CNTN5: variants seen among roughly 807,000 people sequenced by gnomAD.
The protein encoded by CNTN5 is contactin-5.
CNTN5 carries 77 observed loss-of-function variants against 129.1 expected under a neutral mutation model. That is an observed-to-expected ratio of 0.60 (90% CI 0.50 to 0.72). CNTN5 has a LOEUF of 0.72. Among genes scored for constraint, CNTN5 ranks in the 30% least tolerant of loss-of-function variants. The pLI is 0.00. For missense variants in CNTN5, 1,478 were observed against 1,328.8 expected, an observed-to-expected ratio of 1.11 and a Z score of -1.75; for synonymous variants, 509 against 465.6, an observed-to-expected ratio of 1.09 and a Z score of -1.20.
intron 1 of CNTN5, among the ~76,000 whole-genome samples, chr11:99,094,578 T>C (rs900384992): frequency 2.0e-5 from 3 of 151,916 alleles, no homozygotes; most frequent in African/African-American, 7.2e-5. Context: ...AGCGCTAACA[T>C]GTGGCATACA....
intron 1 of CNTN5, among the ~76,000 whole-genome samples, chr11:99,231,743 T>C (rs554142960): frequency 6.6e-6 from 1 of 152,322 alleles, no homozygotes; most frequent in East Asian, 1.9e-4. Flanking sequence ...TCCTGATTAG[T>C]ATTGCGTAGA....
At chr11:100,156,930 A>G (rs762057827) in intron 13 of CNTN5, among the ~76,000 whole-genome samples, 1 of 151,822 alleles carries the variant, frequency 6.6e-6, no homozygotes, top group Non-Finnish European at 1.5e-5. Context: ...TAGTCTTTTT[A>G]AAAAACCAGC....
At chr11:99,570,076 T>A (rs1949128957) in intron 3 of CNTN5, among the ~76,000 whole-genome samples, 1 of 151,916 alleles carries the variant, frequency 6.6e-6, no homozygotes, top group Non-Finnish European at 1.5e-5. Flanking sequence ...GTCATCCATT[T>A]TCACACATCA....
intron 13 of CNTN5, among the ~76,000 whole-genome samples, chr11:100,117,896 G>A (rs976442073): frequency 1.3e-5 from 2 of 151,720 alleles, no homozygotes; most frequent in Non-Finnish European, 2.9e-5. Context: ...AATGTATCTT[G>A]GGCTATTTGT....
chr11:99,680,001 C>T (rs1953480650), intron 3 of CNTN5, among the ~76,000 whole-genome samples: 1 of 152,166 alleles, frequency 6.6e-6, no homozygotes, highest in Non-Finnish European at 1.5e-5. Context: ...AAAGCTTAAT[C>T]CTAATTCTCT....
chr11:100,183,059 A>G (rs986036253), intron 13 of CNTN5, among the ~76,000 whole-genome samples: 3 of 152,160 alleles, frequency 2.0e-5, no homozygotes, highest in Admixed American at 1.3e-4. Context: ...TAAAGCCACA[A>G]TGGATTCTAC....
rs556805352 is a variant in CNTN5 at position 99,316,462 on chromosome 11, C to T, written c.-209-8884C>T. On this transcript the variant is annotated intron_variant, in intron 1 of 24. Coordinates refer to ENST00000524871, the MANE Select transcript of CNTN5 (RefSeq NM_014361.4). The stretch of plus-strand genomic sequence containing the variant: ...AAATTATTTCAATGACAATTTTTTT[C>T]TACAGTATATCTAGGTAATGATCGC... Among the ~76,000 whole-genome samples the T allele has an allele frequency of 9.2e-5, 14 of 152,046 alleles. No individual in the cohort carries two copies. In the South Asian group the frequency reaches 2.7e-3, roughly 29 times the overall value.
intron 16 of CNTN5, among the ~76,000 whole-genome samples, chr11:100,236,688 C>T (rs914211127): frequency 6.6e-6 from 1 of 152,070 alleles, no homozygotes; most frequent in Non-Finnish European, 1.5e-5. Context: ...ACTGTAGCTG[C>T]CTTTCCTCTG....
intron 23 of CNTN5, among the ~76,000 whole-genome samples, chr11:100,346,941 G>A: frequency 6.6e-6 from 1 of 152,096 alleles, no homozygotes. Flanking sequence ...AAGAGAACTT[G>A]TGCAGGGAAA....
chr11:99,124,191 T>C (rs935631363), intron 1 of CNTN5, among the ~76,000 whole-genome samples: 1 of 152,104 alleles, frequency 6.6e-6, no homozygotes, highest in Non-Finnish European at 1.5e-5. Context: ...ATTTGTGTCA[T>C]CTTTGATTTC....
At position 100,026,857 on chromosome 11, in the gene CNTN5, G is replaced by A. The variant is rs376345200; in HGVS notation, c.980+24721G>A. Among the ~76,000 whole-genome samples the A allele has an allele frequency of 3.3e-5, 5 of 151,866 alleles. No homozygotes were observed. In the South Asian group the frequency reaches 8.3e-4, roughly 25 times the overall value. ...TTATTCTCTTGACAGTGTCTTTTAC[G>A]AAGCATAAAATTTTAATTTTAATGA... On this transcript the variant is annotated intron_variant, in intron 9 of 24. Coordinates refer to ENST00000524871, the MANE Select transcript of CNTN5 (RefSeq NM_014361.4).
At chr11:100,134,192 A>C (rs1296398553) in intron 13 of CNTN5, among the ~76,000 whole-genome samples, 1 of 152,192 alleles carries the variant, frequency 6.6e-6, no homozygotes, top group Non-Finnish European at 1.5e-5. Flanking sequence ...ACATTCAAAA[A>C]TAAACTTATT....
intron 3 of CNTN5, among the ~76,000 whole-genome samples, chr11:99,629,638 A>G (rs655715): frequency 0.61 from 92,545 of 151,384 alleles, 29,160 homozygotes; most frequent in Admixed American, 0.74. Context: ...CAAAAAATTA[A>G]CAATTGATGT....
In CNTN5 at chr11:99,645,258, T is replaced by TCAA. The variant is rs201159352; in HGVS notation, c.55+88993_55+88995dup. Among the ~76,000 whole-genome samples the TCAA allele has an allele frequency of 1.5e-4, 10 of 67,930 alleles. 1 individual carries two copies. The South Asian group carries it at 5.5e-3, about 37-fold the overall frequency. 44.6% of individuals were successfully genotyped at this position (67,930 alleles called of 152,430 possible). A position where few individuals can be genotyped will look rare whatever the true frequency, so the allele number is the denominator to read the frequency against. On this transcript the variant is annotated intron_variant, in intron 3 of 24. Transcript: ENST00000524871. ...CTGGGCAACAGAGCGAGGCTCCATC[T>TCAA]CAACAAAAAAAAAAAAAAAAAAAAA...
chr11:99,740,100 C>A (rs570713814), intron 3 of CNTN5, among the ~76,000 whole-genome samples: 1 of 152,158 alleles, frequency 6.6e-6, no homozygotes, highest in Non-Finnish European at 1.5e-5. Flanking sequence ...TTTAAATAAT[C>A]TTGAGGAAGA....
At chr11:99,753,412 G>T (rs1393534938) in intron 3 of CNTN5, among the ~76,000 whole-genome samples, 2 of 151,238 alleles carry the variant, frequency 1.3e-5, no homozygotes, top group African/African-American at 4.9e-5. Context: ...GTGAGCCACC[G>T]CGCCCGGCCT....
At chr11:99,834,878 G>A (rs1183276344) in intron 4 of CNTN5, among the ~76,000 whole-genome samples, 2 of 152,144 alleles carry the variant, frequency 1.3e-5, no homozygotes, top group East Asian at 3.9e-4. Flanking sequence ...TACTCTAGAT[G>A]ACTGCCTCCA....
intron 6 of CNTN5, among the ~76,000 whole-genome samples, chr11:99,870,810 A>G (rs940455524): frequency 3.7e-4 from 19 of 50,952 alleles, no homozygotes; most frequent in African/African-American, 1.1e-3. Context: ...TTAATCTCAT[A>G]TACTTTGGAA....
chr11:99,683,306 A>T (rs1018770934), intron 3 of CNTN5, among the ~76,000 whole-genome samples: 1 of 151,796 alleles, frequency 6.6e-6, no homozygotes, highest in Non-Finnish European at 1.5e-5. Context: ...TCTCCACCTC[A>T]TATCATGTAT....
Sources: allele counts gnomAD v4.1 joint callset (sites outside exome capture counted in the v4.1 genomes callset), GRCh38; gene constraint gnomAD v4.1.1; transcripts MANE v1.5; gene names NCBI Gene and HGNC (gene_info 2026-07-23, HGNC 2026-07-21).